The following ANKRD55 variants were observed in gnomAD, a reference collection of about 807,000 sequenced individuals.
ANKRD55 encodes the protein ankyrin repeat domain-containing protein 55.
In ANKRD55, 41 loss-of-function variants were observed where a neutral mutation model predicts 60.6. The observed-to-expected ratio is 0.68, with a 90% confidence interval of 0.53 to 0.88. The LOEUF is 0.88. Among genes scored for constraint, ANKRD55 ranks in the 40% least tolerant of loss-of-function variants. ANKRD55 has a pLI of 0.00. For synonymous variants in ANKRD55, 264 were observed against 290.3 expected (o/e 0.91, Z 0.92); for missense variants, 732 against 767.6 (o/e 0.95, Z 0.55).
At chr5:56,208,011 A>T (rs1266166324) in intron 2 of ANKRD55, among the ~76,000 whole-genome samples, 1 of 152,192 alleles carries the variant, frequency 6.6e-6, no homozygotes, top group Non-Finnish European at 1.5e-5. Context: ...TTCTTTCTTT[A>T]TATCCTTATC....
At chr5:56,120,624 G>T (rs1185009427) in intron 8 of ANKRD55, among the ~76,000 whole-genome samples, 1 of 152,162 alleles carries the variant, frequency 6.6e-6, no homozygotes, top group East Asian at 1.9e-4. Context: ...GGACAGCTGG[G>T]CATGGTGGCT....
In ANKRD55 at chr5:56,100,165, G is replaced by T; in HGVS notation, c.*18C>A. The T allele has an allele frequency of 6.2e-7, 1 of 1,614,002 alleles. No homozygotes were observed. The highest frequency in any genetic ancestry group is 8.5e-7 in the Non-Finnish European group (1 of 1,179,966). On this transcript the variant is annotated 3_prime_UTR_variant, in exon 12 of 12. Transcript: ENST00000341048. ...AAAATACATATTCATCTACATTTCT[G>T]CAGCGAGTGGCCCACAGTTAATTTT...
intron 2 of ANKRD55, among the ~76,000 whole-genome samples, chr5:56,201,299 A>G (rs995382275): frequency 6.6e-6 from 1 of 152,314 alleles, no homozygotes. Flanking sequence ...TCATGGGACA[A>G]CATTGCCACC....
intron 8 of ANKRD55, among the ~76,000 whole-genome samples, chr5:56,118,304 T>C (rs1181940531): frequency 2.0e-5 from 3 of 152,190 alleles, no homozygotes; most frequent in Non-Finnish European, 4.4e-5. Context: ...AACAAAGTAT[T>C]ACTAATACTG....
intron 7 of ANKRD55, chr5:56,136,953 T>C: frequency 2.0e-6 from 1 of 498,080 alleles, no homozygotes; most frequent in Non-Finnish European, 3.8e-6. Flanking sequence ...GCTCTTTCCC[T>C]AAGTGGCCTC....
intron 2 of ANKRD55, among the ~76,000 whole-genome samples, chr5:56,199,359 G>A (rs1356721337): frequency 3.9e-5 from 6 of 152,108 alleles, no homozygotes; most frequent in Admixed American, 3.9e-4. Flanking sequence ...TCTTACTGCT[G>A]AGCAGTGTGT....
intron 5 of ANKRD55, 92 bp from the exon 6 acceptor site, chr5:56,159,985 T>C (rs1758285906): frequency 9.0e-7 from 1 of 1,106,368 alleles, no homozygotes. Context: ...AGAAAAACCG[T>C]CAGTTGAAAG....
At chr5:56,215,097 A>G (rs572144563) in intron 2 of ANKRD55, among the ~76,000 whole-genome samples, 1 of 151,946 alleles carries the variant, frequency 6.6e-6, no homozygotes, top group East Asian at 1.9e-4. Flanking sequence ...TTTTTTTTTA[A>G]TCAACTGTTG....
At chr5:56,212,510 A>G (rs967010850) in intron 2 of ANKRD55, among the ~76,000 whole-genome samples, 1 of 152,240 alleles carries the variant, frequency 6.6e-6, no homozygotes, top group Non-Finnish European at 1.5e-5. Context: ...CAAAATAATA[A>G]TAATTTATTA....
chr5:56,196,329 C>T (rs138993699), intron 2 of ANKRD55, among the ~76,000 whole-genome samples: 1 of 152,218 alleles, frequency 6.6e-6, no homozygotes, highest in South Asian at 2.1e-4. Flanking sequence ...GTAGCTATTG[C>T]ATTTAAGTGA....
rs1471358638 is a variant in ANKRD55, at chr5:56,162,175, C to T, written c.423-2282G>A. 3 of 291,344 alleles carry T rather than the reference C, an allele frequency of 1.0e-5. No individual in the cohort carries two copies. In the Admixed American group the frequency reaches 1.9e-4, roughly 19 times the overall value. 18.0% of individuals were successfully genotyped at this position (291,344 alleles called of 1,614,324 possible). ...CAGACAGAGATTATCTGTAGCCAGA[C>T]AGGATCTTCTGGGGCTCTAACCAGA... On this transcript the variant is annotated intron_variant, in intron 5 of 11. Transcript: ENST00000341048.
chr5:56,184,667 G>A (rs1758928287), intron 2 of ANKRD55, among the ~76,000 whole-genome samples: 1 of 152,174 alleles, frequency 6.6e-6, no homozygotes, highest in Admixed American at 6.5e-5. Context: ...GGAGGCTGAG[G>A]TGGGAGGATG....
At chr5:56,120,627 T>C (rs969991965) in intron 8 of ANKRD55, among the ~76,000 whole-genome samples, 5 of 152,212 alleles carry the variant, frequency 3.3e-5, no homozygotes, top group African/African-American at 4.8e-5. Context: ...CAGCTGGGCA[T>C]GGTGGCTCAC....
At chr5:56,129,897 G>A (rs62363955) in intron 7 of ANKRD55, among the ~76,000 whole-genome samples, 9,115 of 152,280 alleles carry the variant, frequency 0.06, 399 homozygotes, top group Non-Finnish European at 0.086. Context: ...GATGTGAGAA[G>A]ATGATCCTGG....
At chr5:56,181,382 CTCTCG>C (rs1269737992) in intron 3 of ANKRD55, among the ~76,000 whole-genome samples, 1 of 152,056 alleles carries the variant, frequency 6.6e-6, no homozygotes, top group Non-Finnish European at 1.5e-5. Flanking sequence ...GTTGAAGAAG[CTCTCG>C]TCTATTCCTA....
At chr5:56,171,756 C>A (rs1300781503) in intron 4 of ANKRD55, among the ~76,000 whole-genome samples, 1 of 152,148 alleles carries the variant, frequency 6.6e-6, no homozygotes, top group Non-Finnish European at 1.5e-5. Flanking sequence ...TCTAGGTAAA[C>A]CTCAAAATTA....
intron 2 of ANKRD55, 106 bp downstream of exon 2, chr5:56,232,750 A>G: frequency 8.8e-7 from 1 of 1,137,856 alleles, no homozygotes; most frequent in Non-Finnish European, 1.3e-6. Context: ...ACATGAACAC[A>G]CACACACACA....
At chr5:56,109,074 CACA>C (rs1561249581) in intron 10 of ANKRD55, among the ~76,000 whole-genome samples, 10 of 146,162 alleles carry the variant, frequency 6.8e-5, no homozygotes, top group African/African-American at 1.7e-4. Context: ...CACACACACA[CACA>C]CACCCCACCG....
chr5:56,107,872 CTT>C (rs56958360), intron 10 of ANKRD55, among the ~76,000 whole-genome samples: 47 of 145,588 alleles, frequency 3.2e-4, no homozygotes, highest in Non-Finnish European at 3.0e-4. Flanking sequence ...TAGCAATAAA[CTT>C]TTTTTTTTTT....
Sources: allele counts gnomAD v4.1 joint callset (sites outside exome capture counted in the v4.1 genomes callset), GRCh38; gene constraint gnomAD v4.1.1; transcripts MANE v1.5; gene names NCBI Gene and HGNC (gene_info 2026-07-23, HGNC 2026-07-21).